Variants in TIAM1 observed in about 807,000 individuals in gnomAD.
TIAM1 encodes the protein rho guanine nucleotide exchange factor TIAM1.
TIAM1 carries 65 observed loss-of-function variants against 163.5 expected under a neutral mutation model. That is an observed-to-expected ratio of 0.40 (90% CI 0.33 to 0.49). TIAM1 has a LOEUF of 0.49. Among genes scored for constraint, TIAM1 ranks in the 20% least tolerant of loss-of-function variants. The pLI is 0.77. For missense variants in TIAM1, 1,789 were observed against 2,044.7 expected, an observed-to-expected ratio of 0.87 and a Z score of 2.41; for synonymous variants, 833 against 810.1, an observed-to-expected ratio of 1.03 and a Z score of -0.48.
intron 2 of TIAM1, among the ~76,000 whole-genome samples, chr21:31,406,576 G>A (rs1435869158): frequency 6.6e-6 from 1 of 152,092 alleles, no homozygotes; most frequent in African/African-American, 2.4e-5. Context: ...TCAAGCACCT[G>A]GGTCCCAAAC....
At chr21:31,175,323 GT>G (rs2084709127) in intron 15 of TIAM1, among the ~76,000 whole-genome samples, 1 of 152,198 alleles carries the variant, frequency 6.6e-6, no homozygotes, top group Non-Finnish European at 1.5e-5. Context: ...AACTGGTCAA[GT>G]GGAATTCTAG....
At chr21:31,342,250 G>A (rs985734482) in intron 1 of TIAM1, among the ~76,000 whole-genome samples, 9 of 152,100 alleles carry the variant, frequency 5.9e-5, no homozygotes, top group African/African-American at 2.2e-4. Flanking sequence ...CTCCAGTCCA[G>A]CCTGGGCAAC....
chr21:31,454,658 G>T (rs1355782404), intron 2 of TIAM1, among the ~76,000 whole-genome samples: 1 of 152,158 alleles, frequency 6.6e-6, no homozygotes. Context: ...CATAGAGATT[G>T]GTTACAAACA....
chr21:31,345,169 T>G (rs928121506), upstream of TIAM1, among the ~76,000 whole-genome samples: 1 of 152,162 alleles, frequency 6.6e-6, no homozygotes, highest in Non-Finnish European at 1.5e-5. Flanking sequence ...AGAGGCTATA[T>G]CTGAAAGGGT....
chr21:31,196,478 ATTT>A (rs59358430), intron 12 of TIAM1, among the ~76,000 whole-genome samples: 1 of 133,088 alleles, frequency 7.5e-6, no homozygotes, highest in African/African-American at 3.1e-5. Flanking sequence ...CATCTGGCTA[ATTT>A]TTTTTTTTTT....
intron 2 of TIAM1, among the ~76,000 whole-genome samples, chr21:31,362,396 C>T (rs1017205051): frequency 4.0e-5 from 6 of 151,608 alleles, no homozygotes; most frequent in African/African-American, 1.5e-4. Flanking sequence ...CAAGGTTCGC[C>T]TTTCTCTTCA....
At chr21:31,250,254 T>C (rs1472062947) in intron 5 of TIAM1, among the ~76,000 whole-genome samples, 1 of 151,036 alleles carries the variant, frequency 6.6e-6, no homozygotes, top group Non-Finnish European at 1.5e-5. Flanking sequence ...TAGAAAAGAG[T>C]TATCACACAA....
At chr21:31,506,288 A>T (rs967821913) in intron 1 of TIAM1, among the ~76,000 whole-genome samples, 5 of 151,620 alleles carry the variant, frequency 3.3e-5, no homozygotes, top group Admixed American at 6.6e-5. Flanking sequence ...ACACATATGC[A>T]TCTGCATCTT....
At chr21:31,328,924 G>T (rs542478595) in intron 2 of TIAM1, among the ~76,000 whole-genome samples, 1 of 152,252 alleles carries the variant, frequency 6.6e-6, no homozygotes, top group African/African-American at 2.4e-5. Context: ...GGAATTACAG[G>T]TGTGAGCTAC....
intron 1 of TIAM1, among the ~76,000 whole-genome samples, chr21:31,485,277 G>A (rs886340548): frequency 6.6e-6 from 1 of 152,124 alleles, no homozygotes; most frequent in African/African-American, 2.4e-5. Flanking sequence ...CTGGTCCCCA[G>A]AAAGGAGTCC....
intron 2 of TIAM1, among the ~76,000 whole-genome samples, chr21:31,415,855 C>G (rs563639597): frequency 6.6e-6 from 1 of 152,270 alleles, no homozygotes; most frequent in Non-Finnish European, 1.5e-5. Context: ...ACTGTCTCCT[C>G]CATGTCTCTG....
intron 2 of TIAM1, among the ~76,000 whole-genome samples, chr21:31,372,944 AC>A (rs2076621594): frequency 6.6e-6 from 1 of 151,816 alleles, no homozygotes; most frequent in African/African-American, 2.4e-5. Flanking sequence ...AATAGCAGCT[AC>A]TCGGGAGGGT....
At chr21:31,518,286 T>A (rs2047448700) in intron 1 of TIAM1, among the ~76,000 whole-genome samples, 1 of 151,810 alleles carries the variant, frequency 6.6e-6, no homozygotes, top group Non-Finnish European at 1.5e-5. Flanking sequence ...TTTTTGTGGG[T>A]TTTTTGGGGT....
chr21:31,140,979 G>C (rs1158211587), intron 22 of TIAM1, 139 bp downstream of exon 22: 1 of 629,256 alleles, frequency 1.6e-6, no homozygotes, highest in African/African-American at 1.8e-5. Flanking sequence ...ATAAAGCACA[G>C]ATGTTCCACT....
At chr21:31,500,410 T>G (rs557849591) in intron 1 of TIAM1, among the ~76,000 whole-genome samples, 74 of 149,764 alleles carry the variant, frequency 4.9e-4, no homozygotes, top group Non-Finnish European at 9.9e-4. Flanking sequence ...CAGTAGACCC[T>G]TGGCCAACGA....
chr21:31,553,677 G>C (rs1420860527), intron 1 of TIAM1, among the ~76,000 whole-genome samples: 1 of 152,138 alleles, frequency 6.6e-6, no homozygotes, highest in African/African-American at 2.4e-5. Context: ...GAGGCCTGGG[G>C]CTGCAATCTT....
At chr21:31,170,006 A>G (rs1024200876) in intron 15 of TIAM1, among the ~76,000 whole-genome samples, 1 of 152,214 alleles carries the variant, frequency 6.6e-6, no homozygotes, top group Non-Finnish European at 1.5e-5. Flanking sequence ...AAGAAAAACA[A>G]GCAAGACAAA....
chr21:31,355,116 G>C (rs2076293791), intron 2 of TIAM1, among the ~76,000 whole-genome samples: 1 of 151,300 alleles, frequency 6.6e-6, no homozygotes, highest in African/African-American at 2.4e-5. Flanking sequence ...AGGTCGGCTG[G>C]GTCTGAGGTC....
At chr21:31,187,753 C>A (rs979719403) in intron 13 of TIAM1, among the ~76,000 whole-genome samples, 1 of 152,016 alleles carries the variant, frequency 6.6e-6, no homozygotes, top group Non-Finnish European at 1.5e-5. Flanking sequence ...AGAGTGAGGC[C>A]GAGGTATTCT....
Sources: gnomAD v4.1 joint callset for allele counts (sites outside exome capture counted in the v4.1 genomes callset) on GRCh38, gnomAD v4.1.1 for gene constraint, MANE v1.5 for transcripts, NCBI Gene and HGNC (gene_info 2026-07-23, HGNC 2026-07-21) for gene names.